The following CFAP299 variants were observed in gnomAD, a reference collection of about 807,000 sequenced individuals.
The protein encoded by CFAP299 is cilia and flagella associated protein 299, also known as cilia- and flagella-associated protein 299.
A neutral mutation model predicts 27.0 loss-of-function variants in CFAP299; 21 were observed. The observed-to-expected ratio is 0.78, with a 90% confidence interval of 0.55 to 1.12. CFAP299 has a LOEUF of 1.12. Among genes scored for constraint, CFAP299 ranks in the 50% most tolerant of loss-of-function variants. The probability of loss-of-function intolerance (pLI) is 0.00; values close to 1 mark genes in which losing one functional copy is unlikely to be tolerated. For missense variants in CFAP299, 310 were observed against 276.6 expected, an observed-to-expected ratio of 1.12 and a Z score of -0.86; for synonymous variants, 104 against 98.1, an observed-to-expected ratio of 1.06 and a Z score of -0.36.
chr4:80,863,201 CTTTT>C (rs71664821), intron 3 of CFAP299, among the ~76,000 whole-genome samples: 2 of 133,584 alleles, frequency 1.5e-5, no homozygotes, highest in Non-Finnish European at 1.6e-5. Flanking sequence ...GCTTAGCATG[CTTTT>C]TTTTTTTTTT....
chr4:80,591,965 T>C (rs1057204483), intron 3 of CFAP299, among the ~76,000 whole-genome samples: 1 of 152,200 alleles, frequency 6.6e-6, no homozygotes, highest in East Asian at 1.9e-4. Context: ...ACTAATTCCA[T>C]CCAGAAGAAA....
intron 2 of CFAP299, among the ~76,000 whole-genome samples, chr4:80,463,480 G>A (rs1729554916): frequency 6.6e-6 from 1 of 152,078 alleles, no homozygotes; most frequent in Non-Finnish European, 1.5e-5. Flanking sequence ...TAGTCTGTTT[G>A]GGCTGCCGTA....
At chr4:80,704,180 C>A (rs1721684551) in intron 3 of CFAP299, among the ~76,000 whole-genome samples, 1 of 151,294 alleles carries the variant, frequency 6.6e-6, no homozygotes, top group Non-Finnish European at 1.5e-5. Context: ...ATCCAGGTGG[C>A]ATATGACAAG....
intron 1 of CFAP299, among the ~76,000 whole-genome samples, chr4:80,337,504 T>TC (rs1183210425): frequency 6.6e-6 from 1 of 152,102 alleles, no homozygotes; most frequent in East Asian, 1.9e-4. Flanking sequence ...TTCAAGTGAT[T>TC]CTCTTGCCTC....
chr4:80,836,771 G>T (rs992365206), intron 3 of CFAP299, among the ~76,000 whole-genome samples: 1 of 151,966 alleles, frequency 6.6e-6, no homozygotes, highest in African/African-American at 2.4e-5. Flanking sequence ...CTGCTACATA[G>T]TTTCTAGTTA....
At chr4:80,730,560 T>A (rs992599839) in intron 3 of CFAP299, among the ~76,000 whole-genome samples, 2 of 151,554 alleles carry the variant, frequency 1.3e-5, no homozygotes, top group Non-Finnish European at 2.9e-5. Context: ...CAAAACAAAG[T>A]CCCACTTCAG....
At chr4:80,389,400 C>T (rs925880587) in intron 2 of CFAP299, among the ~76,000 whole-genome samples, 3 of 152,112 alleles carry the variant, frequency 2.0e-5, no homozygotes, top group Non-Finnish European at 2.9e-5. Context: ...AAAACACACT[C>T]CATTATCATA....
intron 2 of CFAP299, among the ~76,000 whole-genome samples, chr4:80,473,931 G>A (rs1320230510): frequency 6.6e-6 from 1 of 151,996 alleles, no homozygotes; most frequent in Non-Finnish European, 1.5e-5. Context: ...CTAAAAAATT[G>A]TACTATTAAA....
intron 5 of CFAP299, among the ~76,000 whole-genome samples, chr4:80,955,843 T>C (rs528211189): frequency 1.3e-5 from 2 of 151,634 alleles, no homozygotes; most frequent in East Asian, 3.9e-4. Flanking sequence ...TAAAGAAAAA[T>C]ACAAAAATTA....
chr4:80,646,648 C>T (rs937505884), intron 3 of CFAP299, among the ~76,000 whole-genome samples: 1 of 152,080 alleles, frequency 6.6e-6, no homozygotes, highest in Non-Finnish European at 1.5e-5. Context: ...CTAAAAAGTG[C>T]ACAATGATTC....
chr4:80,589,668 A>G (rs1466502279), intron 3 of CFAP299, among the ~76,000 whole-genome samples: 1 of 152,206 alleles, frequency 6.6e-6, no homozygotes, highest in African/African-American at 2.4e-5. Flanking sequence ...TGAGGAAGCC[A>G]AATAGTTCAA....
intron 4 of CFAP299, chr4:80,873,058 ATATACTGTCT>A: frequency 1.1e-6 from 1 of 939,260 alleles, no homozygotes; most frequent in Non-Finnish European, 1.3e-6. Flanking sequence ...GAAGTCATAA[ATATACTGTCT>A]TATAGGATAT....
chr4:80,601,080 C>A (rs1469753752), intron 3 of CFAP299, among the ~76,000 whole-genome samples: 1 of 152,004 alleles, frequency 6.6e-6, no homozygotes, highest in Non-Finnish European at 1.5e-5. Flanking sequence ...GCAACCTTCC[C>A]AGATGGTTAG....
rs778908862 is a variant in CFAP299, at chr4:80,963,519, GCAGC to G, written c.613_616del (p.Pro205ValfsTer10). On this transcript the variant is annotated frameshift_variant, in exon 6 of 6. Transcript: ENST00000358105. LOFTEE classifies it high-confidence loss of function. ...ACAATGTAATTTATGTATTTTAGGC[GCAGC>G]CAGGTGACAACTCTACTAGAATCAC... The G allele has an allele frequency of 1.1e-5, 18 of 1,582,930 alleles. No individual in the cohort carries two copies. In the South Asian group the frequency reaches 1.8e-4, roughly 15 times the overall value.
rs149983213 is a variant in CFAP299 at position 80,520,453 on chromosome 4, A to G, written c.243-62640A>G. 1.2e-3 allele frequency among the ~76,000 whole-genome samples: 185 copies of G among 152,336 alleles called. 1 individual carries two copies. The highest frequency in any genetic ancestry group is 1.2e-3 in the Non-Finnish European group (79 of 68,036). On this transcript the variant is annotated intron_variant, in intron 2 of 5. Coordinates refer to ENST00000358105, the MANE Select transcript of CFAP299 (RefSeq NM_152770.3). ...ATTCTCAGAACAACCCACTTGTTTA[A>G]GATTCTTTTTTCCTTAAAGTACTTC...
At chr4:80,652,296 AT>A (rs1488872002) in intron 3 of CFAP299, among the ~76,000 whole-genome samples, 1 of 152,160 alleles carries the variant, frequency 6.6e-6, no homozygotes, top group Non-Finnish European at 1.5e-5. Context: ...CAAGTTAAAA[AT>A]TTTTATGAAC....
At chr4:80,820,704 CAG>C (rs1158490446) in intron 3 of CFAP299, among the ~76,000 whole-genome samples, 6 of 152,110 alleles carry the variant, frequency 3.9e-5, no homozygotes, top group African/African-American at 1.4e-4. Flanking sequence ...GGTGGGCAGA[CAG>C]GGGCTAAAGG....
At chr4:80,779,451 A>G (rs530485702) in intron 3 of CFAP299, among the ~76,000 whole-genome samples, 139 of 152,188 alleles carry the variant, frequency 9.1e-4, no homozygotes, top group African/African-American at 3.2e-3. Context: ...CGACCAGGCA[A>G]GTCACCTGTC....
intron 3 of CFAP299, among the ~76,000 whole-genome samples, chr4:80,634,499 A>C (rs1739392205): frequency 6.6e-6 from 1 of 152,208 alleles, no homozygotes; most frequent in Non-Finnish European, 1.5e-5. Context: ...ATCTGTATAC[A>C]TAATAGCATA....
Sources: gnomAD v4.1 joint callset for allele counts (sites outside exome capture counted in the v4.1 genomes callset) on GRCh38, gnomAD v4.1.1 for gene constraint, MANE v1.5 for transcripts, NCBI Gene and HGNC (gene_info 2026-07-23, HGNC 2026-07-21) for gene names.